The following PDE4D variants were observed in gnomAD, a reference collection of about 807,000 sequenced individuals.
The protein encoded by PDE4D is phosphodiesterase 4D, also known as 3',5'-cyclic-AMP phosphodiesterase 4D.
PDE4D carries 24 observed loss-of-function variants against 87.4 expected under a neutral mutation model. The ratio of observed to expected loss-of-function variants is 0.27; its 90% confidence interval spans 0.20 to 0.39. The LOEUF (loss-of-function observed/expected upper bound fraction) is 0.39. Ranked by LOEUF, PDE4D falls within the 10% of genes least tolerant of loss-of-function variation. The pLI, the probability that PDE4D is intolerant of heterozygous loss-of-function variation, is 1.00. For synonymous variants in PDE4D, 384 were observed against 383.2 expected (o/e 1.00, Z -0.02); for missense variants, 714 against 1,041.0 (o/e 0.69, Z 4.32).
At chr5:59,491,015 AACCT>A (rs1253655136) in intron 1 of PDE4D, among the ~76,000 whole-genome samples, 1 of 152,212 alleles carries the variant, frequency 6.6e-6, no homozygotes, top group African/African-American at 2.4e-5. Flanking sequence ...TTTCTCTCTG[AACCT>A]ACCTTTCCTC....
chr5:59,635,421 C>A (rs1375512365), intron 1 of PDE4D, among the ~76,000 whole-genome samples: 2 of 152,218 alleles, frequency 1.3e-5, no homozygotes, highest in East Asian at 3.9e-4. Flanking sequence ...CAAAAGCTGG[C>A]AGAGACACAA....
chr5:60,381,468 A>T (rs1476730576), intron 1 of PDE4D, among the ~76,000 whole-genome samples: 1 of 152,206 alleles, frequency 6.6e-6, no homozygotes, highest in East Asian at 1.9e-4. Flanking sequence ...TGACTATAAC[A>T]ACTTTTCTGA....
At chr5:60,005,898 A>G (rs1357514527) in intron 2 of PDE4D, among the ~76,000 whole-genome samples, 2 of 151,954 alleles carry the variant, frequency 1.3e-5, no homozygotes, top group African/African-American at 4.8e-5. Flanking sequence ...ATTCAGACAC[A>G]TAATGATTTC....
chr5:59,736,155 A>G (rs1163551262), intron 1 of PDE4D, among the ~76,000 whole-genome samples: 2 of 152,034 alleles, frequency 1.3e-5, no homozygotes, highest in Non-Finnish European at 1.5e-5. Context: ...AAAAAAGAAA[A>G]CAAACCAACA....
chr5:59,822,876 A>C (rs1029299639), intron 1 of PDE4D, among the ~76,000 whole-genome samples: 1 of 152,212 alleles, frequency 6.6e-6, no homozygotes, highest in African/African-American at 2.4e-5. Context: ...TGGTCCCCCA[A>C]AATGGCCGGT....
At chr5:60,252,399 C>CTTTTTTTTTTTTT (rs749772318) in intron 1 of PDE4D, among the ~76,000 whole-genome samples, 2 of 137,410 alleles carry the variant, frequency 1.5e-5, no homozygotes, top group Non-Finnish European at 1.6e-5. Context: ...CACTTTTTTA[C>CTTTTTTTTTTTTT]TTTTTTTTTT....
In PDE4D at chr5:58,974,627, A is replaced by T. The variant is rs755938801; in HGVS notation, c.*37T>A. 1.3e-4 allele frequency: 189 copies of T among 1,497,216 alleles called. No homozygotes were observed. The highest frequency in any genetic ancestry group is 1.6e-4 in the Non-Finnish European group (181 of 1,119,522). The allele number at this position is 1,497,216 out of a possible 1,614,324, so 92.7% of individuals were successfully genotyped here. A position where few individuals can be genotyped will look rare whatever the true frequency, so the allele number is the denominator to read the frequency against. On this transcript the variant is annotated 3_prime_UTR_variant, in exon 15 of 15. Transcript: ENST00000340635. ...CATGCACTTTGGAAACAATTTTTCT[A>T]CTTAAAAAAAAAAAAGGCATGAAAG...
chr5:60,270,124 T>C (rs546156783), intron 1 of PDE4D, among the ~76,000 whole-genome samples: 42 of 152,324 alleles, frequency 2.8e-4, no homozygotes, highest in Middle Eastern at 6.8e-3. Flanking sequence ...ATTGAAAGAA[T>C]GAGTATACCA....
chr5:60,469,340 ACCAGC>A (rs1193099429), intron 1 of PDE4D, among the ~76,000 whole-genome samples: 60 of 152,220 alleles, frequency 3.9e-4, no homozygotes, highest in African/African-American at 1.4e-3. Context: ...AGTCTCAGTC[ACCAGC>A]TCCCCTTCAT....
At chr5:60,449,414 A>C (rs1050592528) in intron 1 of PDE4D, among the ~76,000 whole-genome samples, 3 of 146,834 alleles carry the variant, frequency 2.0e-5, no homozygotes, top group Admixed American at 1.4e-4. Context: ...AACACCGCAT[A>C]TTCTCACTCA....
intron 5 of PDE4D, among the ~76,000 whole-genome samples, chr5:59,072,418 C>T (rs1271751397): frequency 1.7e-4 from 26 of 152,150 alleles, no homozygotes; most frequent in Admixed American, 1.6e-3. Context: ...TTTAAAAAGC[C>T]TTGTGTTATC....
At chr5:60,255,472 A>G (rs1219846350) in intron 1 of PDE4D, among the ~76,000 whole-genome samples, 1 of 151,866 alleles carries the variant, frequency 6.6e-6, no homozygotes, top group African/African-American at 2.4e-5. Context: ...ACTTTTCAGT[A>G]TCTCAAAATA....
Position 60,394,291 on chromosome 5 carries a change from T to C in PDE4D, c.-90+93651A>G, listed in dbSNP as rs150677876. On this transcript the variant is annotated intron_variant, in intron 1 of 16. Transcript: ENST00000502484. ...CGTTAATGAACTGCTTTCAAGAATATGTAAAAAGAGTGGAGAACAATATAT... is the reference window on the plus strand; with the variant it reads ...CGTTAATGAACTGCTTTCAAGAATACGTAAAAAGAGTGGAGAACAATATAT... 7.3e-3 allele frequency among the ~76,000 whole-genome samples: 1,109 copies of C among 152,322 alleles called. 12 individuals carry two copies. The highest frequency in any genetic ancestry group is 0.025 in the African/African-American group (1,054 of 41,574).
In PDE4D at chr5:59,537,487, T is replaced by C. The variant is rs552157930; in HGVS notation, c.456-321519A>G. 8.5e-5 allele frequency among the ~76,000 whole-genome samples: 13 copies of C among 152,340 alleles called. No homozygotes were observed. The South Asian group carries it at 2.5e-3, about 29-fold the overall frequency. ...TAGGATTTGGTCATTCTTAATTGTG[T>C]TGATGACTATCCTTGCTCTCTTTAT... is the stretch of plus-strand genomic sequence containing the variant. On this transcript the variant is annotated intron_variant, in intron 1 of 14. Transcript: ENST00000340635.
chr5:59,053,655 G>GTTTTTTTTTTTTTTTTTTTT (rs1367942598), intron 5 of PDE4D, among the ~76,000 whole-genome samples: 2 of 74,896 alleles, frequency 2.7e-5, no homozygotes, highest in African/African-American at 1.1e-4. Flanking sequence ...GTTTTTTTTT[G>GTTTTTTTTTTTTTTTTTTTT]TTGTTGTTTT....
At chr5:60,372,647 T>TAA (rs1163612588) in intron 1 of PDE4D, 5 of 152,232 alleles carry the variant, frequency 3.3e-5, no homozygotes, top group African/African-American at 4.8e-5. Flanking sequence ...TCCTCTTCTC[T>TAA]AAAACCTGTA....
At position 60,334,305 on chromosome 5, in the gene PDE4D, C is replaced by T. The variant is rs182707666; in HGVS notation, c.-89-148618G>A. 3.9e-5 allele frequency among the ~76,000 whole-genome samples: 6 copies of T among 152,304 alleles called. No individual in the cohort carries two copies. In the South Asian group the frequency reaches 1.2e-3, roughly 32 times the overall value. On this transcript the variant is annotated intron_variant, in intron 1 of 16. Transcript: ENST00000502484. The stretch of plus-strand genomic sequence containing the variant: ...ATAACTCCTTCTGATTTGATAACAA[C>T]TCACCCCAGCCTGACTCCCAATGGA...
At chr5:60,027,930 G>GGAATGAGTTGGGTGGAA (rs1766810421) in intron 2 of PDE4D, among the ~76,000 whole-genome samples, 1 of 152,130 alleles carries the variant, frequency 6.6e-6, no homozygotes, top group Non-Finnish European at 1.5e-5. Flanking sequence ...TCTGGGTATT[G>GGAATGAGTTGGGTGGAA]TGAATGAGTT....
intron 1 of PDE4D, among the ~76,000 whole-genome samples, chr5:59,239,169 T>C (rs569262137): frequency 6.6e-6 from 1 of 152,334 alleles, no homozygotes; most frequent in Admixed American, 6.5e-5. Flanking sequence ...ATTGGTGCTG[T>C]ACTGCTGTCT....
Sources: allele counts gnomAD v4.1 joint callset (sites outside exome capture counted in the v4.1 genomes callset), GRCh38; gene constraint gnomAD v4.1.1; transcripts MANE v1.5; gene names NCBI Gene and HGNC (gene_info 2026-07-23, HGNC 2026-07-21).